PAMR1: variants seen among roughly 807,000 people sequenced by gnomAD.
PAMR1 encodes inactive serine protease PAMR1.
PAMR1 carries 88 observed loss-of-function variants against 81.8 expected under a neutral mutation model. That is an observed-to-expected ratio of 1.08 (90% CI 0.91 to 1.28). The LOEUF is 1.28. Among genes scored for constraint, PAMR1 ranks in the 50% most tolerant of loss-of-function variants. PAMR1 has a pLI of 0.00. For missense variants in PAMR1, 935 were observed against 919.7 expected, an observed-to-expected ratio of 1.02 and a Z score of -0.21; for synonymous variants, 336 against 345.3, an observed-to-expected ratio of 0.97 and a Z score of 0.30.
Position 35,441,656 on chromosome 11 carries a change from T to A in PAMR1, c.858A>T (p.Pro286=), listed in dbSNP as rs764585639. 13 of 1,613,740 alleles carry A rather than the reference T, an allele frequency of 8.1e-6. No homozygotes were observed. The Admixed American group carries it at 8.3e-5, about 10-fold the overall frequency. The stretch of plus-strand genomic sequence containing the variant: ...CTGTTATTTTCTGGTACCCATTGAC[T>A]GGGCCCCCAGGGTCTGAGCAGTTTC... ...EERNCSDPGG[P]VNGYQKITGG... Residue 286 remains proline, a synonymous_variant, in exon 7 of 11, where the codon CCA becomes CCT. Coordinates refer to ENST00000619888, the MANE Select transcript of PAMR1 (RefSeq NM_001001991.3).
Position 35,432,803 on chromosome 11 carries a change from G to C in PAMR1, c.1716C>G (p.Ile572Met), listed in dbSNP as rs1379629011. 7 of 1,608,606 alleles carry C rather than the reference G, an allele frequency of 4.4e-6. No homozygotes were observed. Among genetic ancestry groups the C allele is most frequent in the Non-Finnish European group, 2.5e-6 (3 of 1,180,014 alleles). ...AILKLLDKAR[I>M]STRVQPICLA... Reference sequence around the variant, plus strand: ...GGCAGATGGGCTGGACTCGGGTGCTGATACGGGCCTTGTCTAGGAGCTTCA... The same window carrying C: ...GGCAGATGGGCTGGACTCGGGTGCTCATACGGGCCTTGTCTAGGAGCTTCA... The change falls in exon 11 of 11, where the codon ATC becomes ATG. Residue 572 changes from isoleucine (I) to methionine (M), a missense_variant. Ile to Met is a conservative substitution (Grantham distance 10, BLOSUM62 1). Coordinates refer to ENST00000619888, the MANE Select transcript of PAMR1 (RefSeq NM_001001991.3).
intron 3 of PAMR1, among the ~76,000 whole-genome samples, chr11:35,478,438 G>C (rs1238338143): frequency 6.6e-6 from 1 of 152,224 alleles, no homozygotes; most frequent in Non-Finnish European, 1.5e-5. Flanking sequence ...CTGAAGGGGA[G>C]GGCAGAGTTG....
chr11:35,502,280 G>T (rs1266194281), intron 1 of PAMR1, among the ~76,000 whole-genome samples: 1 of 151,830 alleles, frequency 6.6e-6, no homozygotes, highest in Non-Finnish European at 1.5e-5. Flanking sequence ...AAGTTCTGGG[G>T]TACATGAGCA....
chr11:35,501,802 T>C (rs997888607), intron 1 of PAMR1, among the ~76,000 whole-genome samples: 5 of 152,210 alleles, frequency 3.3e-5, no homozygotes, highest in Admixed American at 6.5e-5. Flanking sequence ...CCCTTATATA[T>C]AGGCACCACA....
At chr11:35,464,546 A>G (rs1856722868) in intron 6 of PAMR1, among the ~76,000 whole-genome samples, 1 of 152,168 alleles carries the variant, frequency 6.6e-6, no homozygotes, top group Admixed American at 6.5e-5. Context: ...CACTCCTACA[A>G]TTATCACAGC....
chr11:35,524,403 G>A (rs1851346057), intron 1 of PAMR1, among the ~76,000 whole-genome samples: 1 of 152,142 alleles, frequency 6.6e-6, no homozygotes, highest in South Asian at 2.1e-4. Flanking sequence ...TGATCATGAA[G>A]GGATGTGCCT....
chr11:35,438,042 T>G (rs2135338082), intron 8 of PAMR1, among the ~76,000 whole-genome samples: 1 of 152,348 alleles, frequency 6.6e-6, no homozygotes, highest in African/African-American at 2.4e-5. Flanking sequence ...TCACTGTTAC[T>G]ATTTCTAACA....
At chr11:35,440,120 G>A (rs1475827138) in intron 7 of PAMR1, among the ~76,000 whole-genome samples, 2 of 152,186 alleles carry the variant, frequency 1.3e-5, no homozygotes, top group Non-Finnish European at 2.9e-5. Flanking sequence ...GATAAGTCTT[G>A]GAAAACTGAT....
In PAMR1 at chr11:35,432,076, C is replaced by T. The variant is rs1855917161; in HGVS notation, c.*280G>A. ...TGAAAGTTGGGGAAGACCACCAGGT[C>T]AGTGGAGTGGAGAGGTTTTGTATAT... On this transcript the variant is annotated 3_prime_UTR_variant, in exon 11 of 11. Transcript: ENST00000619888. 1 of 400,840 alleles carries T rather than the reference C, an allele frequency of 2.5e-6. No individual in the cohort carries two copies. Among genetic ancestry groups the T allele is most frequent in the African/African-American group, 2.0e-5 (1 of 49,790 alleles). 24.8% of individuals were successfully genotyped at this position (400,840 alleles called of 1,614,324 possible). A position where few individuals can be genotyped will look rare whatever the true frequency, so the allele number is the denominator to read the frequency against.
chr11:35,525,652 C>A (rs943494489), upstream of PAMR1: 5 of 1,454,918 alleles, frequency 3.4e-6, no homozygotes, highest in East Asian at 9.4e-5. Context: ...AGGCCGGGGG[C>A]AGGCGGGTTT....
chr11:35,494,396 C>T (rs531359516), intron 1 of PAMR1, 124 bp from the exon 2 acceptor site: 9 of 743,626 alleles, frequency 1.2e-5, no homozygotes, highest in East Asian at 1.1e-4. Flanking sequence ...TGCAGTGGCG[C>T]GATCTCGGCT....
intron 8 of PAMR1, among the ~76,000 whole-genome samples, 164 bp downstream of exon 8, chr11:35,439,463 T>C (rs1856116788): frequency 6.6e-6 from 1 of 152,196 alleles, no homozygotes; most frequent in Non-Finnish European, 1.5e-5. Flanking sequence ...AGCTGGCTAA[T>C]AAGCCTCCAT....
At chr11:35,528,937 G>A (rs1851429090), upstream of PAMR1, 1 of 152,244 alleles carries the variant, frequency 6.6e-6, no homozygotes, top group Admixed American at 6.5e-5. Flanking sequence ...AGTCAAAGCA[G>A]TAATCAGATA....
At chr11:35,439,810 T>C in intron 7 of PAMR1, 117 bp from the exon 8 acceptor site, 2 of 798,150 alleles carry the variant, frequency 2.5e-6, no homozygotes, top group South Asian at 2.9e-5. Context: ...TTCCCCAGGC[T>C]CTCAGAGGCA....
intron 6 of PAMR1, among the ~76,000 whole-genome samples, chr11:35,446,645 TTGAG>T (rs896892935): frequency 6.6e-6 from 1 of 152,184 alleles, no homozygotes; most frequent in African/African-American, 2.4e-5. Context: ...AATTGTGTGG[TTGAG>T]TGAGTTTCTT....
chr11:35,492,113 T>C lies in PAMR1; in HGVS notation c.311A>G (p.Asp104Gly). 1.2e-6 allele frequency: 2 copies of C among 1,614,094 alleles called. No individual in the cohort carries two copies. Among genetic ancestry groups the C allele is most frequent in the South Asian group, 1.1e-5 (1 of 91,074 alleles). The change falls in exon 3 of 11, where the codon GAT becomes GGT. Residue 104 changes from aspartate (D) to glycine (G), a missense_variant. Asp to Gly is a moderately conservative substitution (Grantham distance 94). Transcript: ENST00000619888. ...GTAGAACCCCTTCACATAGAAGTCA[T>C]CCAAGGTACCCCCCCATGAGCCATT... Reference protein sequence around the residue: ...CRNGSWGGTLDDFYVKGFYCA... With the variant: ...CRNGSWGGTLGDFYVKGFYCA...
chr11:35,470,937 G>C (rs1856844094), intron 4 of PAMR1, 119 bp from the exon 5 acceptor site: 4 of 691,594 alleles, frequency 5.8e-6, no homozygotes, highest in South Asian at 1.7e-5. Context: ...TCACTGGCCT[G>C]ATCGGATAGG....
Position 35,466,726 on chromosome 11 carries a change from C to CAA in PAMR1, c.820+1273_820+1274dup, listed in dbSNP as rs71044519. Among the ~76,000 whole-genome samples the CAA allele has an allele frequency of 4.0e-3, 257 of 63,854 alleles. 4 individuals carry two copies. The highest frequency in any genetic ancestry group is 0.01 in the African/African-American group (162 of 15,888). The allele number at this position is 63,854 out of a possible 152,430, so 41.9% of individuals were successfully genotyped here. ...TGGGCGACAGAGAGAGGCTCTATCT[C>CAA]AAAAAAAAAAAAAAAAAAAAAGGAA... On this transcript the variant is annotated intron_variant, in intron 6 of 10. Coordinates refer to ENST00000619888, the MANE Select transcript of PAMR1 (RefSeq NM_001001991.3).
At chr11:35,496,265 T>C (rs1850725398) in intron 1 of PAMR1, among the ~76,000 whole-genome samples, 2 of 152,172 alleles carry the variant, frequency 1.3e-5, no homozygotes, top group South Asian at 4.1e-4. Context: ...AAAAATGAAT[T>C]AGACTTTATC....
Sources: gnomAD v4.1 joint callset for allele counts (sites outside exome capture counted in the v4.1 genomes callset) on GRCh38, gnomAD v4.1.1 for gene constraint, MANE v1.5 for transcripts, NCBI Gene and HGNC (gene_info 2026-07-23, HGNC 2026-07-21) for gene names.